ARHGEF4: variants seen among roughly 807,000 people sequenced by gnomAD.
The protein encoded by ARHGEF4 is APC-stimulated guanine nucleotide exchange factor 1.
ARHGEF4 carries 119 observed loss-of-function variants against 162.0 expected under a neutral mutation model. The ratio of observed to expected loss-of-function variants is 0.73; its 90% CI spans 0.63 to 0.86. The LOEUF (loss-of-function observed/expected upper bound fraction) is 0.86, where lower values mean the gene tolerates loss of function less well. ARHGEF4 is among the 40% of genes least tolerant of loss of function. The pLI, the probability that ARHGEF4 is intolerant of heterozygous loss-of-function variation, is 0.00. For synonymous variants in ARHGEF4, 1,014 were observed against 979.9 expected, an observed-to-expected ratio of 1.03 and a Z score of -0.65; for missense variants, 2,488 against 2,456.0, an observed-to-expected ratio of 1.01 and a Z score of -0.28.
intron 1 of ARHGEF4, among the ~76,000 whole-genome samples, chr2:130,867,916 T>C (rs528137674): frequency 1.3e-5 from 2 of 150,454 alleles, no homozygotes; most frequent in African/African-American, 4.9e-5. Flanking sequence ...GGTGGATGTG[T>C]TTTTTTCTTT....
At chr2:131,034,170 T>C (rs1690061091) in intron 5 of ARHGEF4, among the ~76,000 whole-genome samples, 1 of 152,128 alleles carries the variant, frequency 6.6e-6, no homozygotes, top group African/African-American at 2.4e-5. Context: ...TGTGCGCCCC[T>C]CCCTGCCCTC....
At position 130,917,125 on chromosome 2, in the gene ARHGEF4, G is replaced by C. The variant is rs746076875; in HGVS notation, c.3179G>C (p.Arg1060Pro). ...KSWLASPGSPRAQQAGIAHTL... is the reference protein window; with the variant it reads ...KSWLASPGSPPAQQAGIAHTL... ...TGGCTGGCGTCCCCCGGCAGCCCTC[G>C]GGCCCAGCAGGCTGGAATCGCACAC... The change falls in exon 2 of 14, where the codon CGG (arginine) becomes CCG (proline). Residue 1060 changes from arginine to proline, a missense_variant. Coordinates refer to ENST00000409359, the MANE Select transcript of ARHGEF4 (RefSeq NM_001367493.1). 1.2e-5 allele frequency: 19 copies of C among 1,550,298 alleles called. No homozygotes were observed. In the South Asian group the frequency reaches 1.4e-4, roughly 12 times the overall value.
chr2:131,044,600 G>C, intron 12 of ARHGEF4, 58 bp downstream of exon 12: 2 of 1,516,308 alleles, frequency 1.3e-6, no homozygotes, highest in Non-Finnish European at 1.8e-6. Flanking sequence ...GCTCCCGCCT[G>C]CCTGGCCGCC....
At chr2:131,017,793 G>C (rs897680693) in intron 4 of ARHGEF4, among the ~76,000 whole-genome samples, 1 of 152,156 alleles carries the variant, frequency 6.6e-6, no homozygotes, top group Non-Finnish European at 1.5e-5. Flanking sequence ...AAATCAAAGA[G>C]GATCTAAATA....
chr2:130,931,592 G>T (rs1682637124), intron 3 of ARHGEF4, among the ~76,000 whole-genome samples: 1 of 152,232 alleles, frequency 6.6e-6, no homozygotes, highest in Non-Finnish European at 1.5e-5. Context: ...TGCCCGACAT[G>T]ATTAGACACT....
chr2:131,016,795 G>A (rs896271891), intron 4 of ARHGEF4, among the ~76,000 whole-genome samples: 3 of 152,190 alleles, frequency 2.0e-5, no homozygotes, highest in African/African-American at 7.2e-5. Flanking sequence ...GCTGGTCTGG[G>A]GACCACACTT....
intron 6 of ARHGEF4, 120 bp from the exon 7 acceptor site, chr2:131,039,896 A>C: frequency 6.9e-7 from 1 of 1,448,684 alleles, no homozygotes; most frequent in Non-Finnish European, 9.0e-7. Flanking sequence ...GCCAGTCCTC[A>C]GCCCTGCGCC....
intron 6 of ARHGEF4, chr2:131,039,662 C>T: frequency 8.5e-7 from 1 of 1,181,436 alleles, no homozygotes; most frequent in Non-Finnish European, 1.0e-6. Flanking sequence ...TGTTAGCCAG[C>T]GGGCGCGCCA....
chr2:131,018,983 T>C (rs1251508249), intron 4 of ARHGEF4, among the ~76,000 whole-genome samples: 2 of 152,240 alleles, frequency 1.3e-5, no homozygotes, highest in Non-Finnish European at 1.5e-5. Flanking sequence ...ATTTGATTAT[T>C]GTGACTTTGT....
chr2:130,944,554 CTCTGCCACTGGAT>C (rs1054519035), intron 3 of ARHGEF4, among the ~76,000 whole-genome samples: 3 of 152,116 alleles, frequency 2.0e-5, no homozygotes, highest in Non-Finnish European at 4.4e-5. Context: ...TATAATTGTA[CTCTGCCACTGGAT>C]TTTATTTTAG....
intron 4 of ARHGEF4, among the ~76,000 whole-genome samples, chr2:130,963,010 T>G (rs1684725195): frequency 6.6e-6 from 1 of 152,206 alleles, no homozygotes; most frequent in Non-Finnish European, 1.5e-5. Context: ...AGAACCTGTG[T>G]GTGTCTGGGA....
chr2:130,992,379 G>A (rs1036552084), intron 4 of ARHGEF4, among the ~76,000 whole-genome samples: 4 of 151,636 alleles, frequency 2.6e-5, no homozygotes, highest in Admixed American at 1.3e-4. Context: ...CTGCTTTTAA[G>A]AGCTGTAACG....
chr2:130,974,082 C>A (rs1391935303), intron 4 of ARHGEF4, among the ~76,000 whole-genome samples: 1 of 150,216 alleles, frequency 6.7e-6, no homozygotes, highest in Non-Finnish European at 1.5e-5. Flanking sequence ...CCAGCCTGGG[C>A]AACATGGCAA....
intron 4 of ARHGEF4, among the ~76,000 whole-genome samples, chr2:130,971,693 A>G (rs1433876263): frequency 6.7e-6 from 1 of 148,854 alleles, no homozygotes; most frequent in Admixed American, 6.7e-5. Flanking sequence ...ACTTGTCAGT[A>G]TCTACAGAAT....
At chr2:130,962,895 G>A (rs139593559) in intron 4 of ARHGEF4, among the ~76,000 whole-genome samples, 2 of 152,246 alleles carry the variant, frequency 1.3e-5, no homozygotes, top group East Asian at 3.9e-4. Flanking sequence ...TCCAAAGGGA[G>A]ACCAAGTCTC....
chr2:130,892,989 A>G (rs1679946346), intron 1 of ARHGEF4, among the ~76,000 whole-genome samples: 1 of 152,232 alleles, frequency 6.6e-6, no homozygotes, highest in Non-Finnish European at 1.5e-5. Flanking sequence ...TTTACGGGAC[A>G]GTGGCATCCT....
At chr2:130,902,169 T>C (rs1680521191) in intron 1 of ARHGEF4, among the ~76,000 whole-genome samples, 1 of 152,194 alleles carries the variant, frequency 6.6e-6, no homozygotes, top group Non-Finnish European at 1.5e-5. Flanking sequence ...TGTCACTTAG[T>C]CACCTCTATA....
chr2:130,943,880 T>G (rs775889668), intron 3 of ARHGEF4, among the ~76,000 whole-genome samples: 15 of 152,230 alleles, frequency 9.9e-5, no homozygotes, highest in Admixed American at 2.0e-4. Context: ...ATTTATTATT[T>G]CTGTTGCTCT....
rs1238749915 is a variant in ARHGEF4, at chr2:130,915,374, C to T, written c.1428C>T (p.Thr476=). ...GCAGAACCCAGGAACCCCAAGGCAC[C>T]CAACTCGCACCAAGAGCTGCTGATG... ...PESRTQEPQG[T]QLAPRAADER... The change falls in exon 2 of 14, where the codon ACC becomes ACT. Residue 476 remains threonine, a synonymous_variant. Transcript: ENST00000409359. 2 of 1,550,564 alleles carry T rather than the reference C, an allele frequency of 1.3e-6. No homozygotes were observed. The highest frequency in any genetic ancestry group is 1.7e-6 in the Non-Finnish European group (2 of 1,147,000).
Sources: gnomAD v4.1 joint callset for allele counts (sites outside exome capture counted in the v4.1 genomes callset) on GRCh38, gnomAD v4.1.1 for gene constraint, MANE v1.5 for transcripts, NCBI Gene and HGNC (gene_info 2026-07-23, HGNC 2026-07-21) for gene names.